Variants in SLC67A1 observed in about 807,000 individuals in gnomAD.
The protein encoded by SLC67A1 is solute carrier family 67 member A1.
the SLC67A1 span, among the ~76,000 whole-genome samples, chr11:2,900,556 T>TA: frequency 6.6e-6 from 1 of 151,506 alleles, no homozygotes; most frequent in African/African-American, 2.4e-5. Context: ...TAGCGGGGGC[T>TA]GTGGCGGGCG....
chr11:2,924,806 AGGGG>A, the SLC67A1 span, among the ~76,000 whole-genome samples: 1,219 of 145,574 alleles, frequency 8.4e-3, 9 homozygotes, highest in Non-Finnish European at 0.013. The surrounding 1 kb of genome is among the most constrained non-coding windows in gnomAD (Gnocchi z 8.6). Flanking sequence ...GGCGGGTGGC[AGGGG>A]GTGGGGGACT....
the SLC67A1 span, among the ~76,000 whole-genome samples, chr11:2,901,330 T>C: frequency 6.6e-6 from 1 of 152,242 alleles, no homozygotes; most frequent in African/African-American, 2.4e-5. Context: ...CCACCAGGAC[T>C]TTGGCCGGCT....
At chr11:2,909,512 CGGGTCA>C in the SLC67A1 span, 2 of 634,880 alleles carry the variant, frequency 3.2e-6, no homozygotes, top group Non-Finnish European at 4.0e-6. Context: ...TGTGGAGGGG[CGGGTCA>C]GGGGGGGAAG....
At chr11:2,924,521 GCAC>G in the SLC67A1 span, among the ~76,000 whole-genome samples, 1 of 152,148 alleles carries the variant, frequency 6.6e-6, no homozygotes, top group Non-Finnish European at 1.5e-5. This position sits in a 1 kb window ranked among gnomAD's most constrained non-coding sequence, Gnocchi z 8.6. Flanking sequence ...GTGGTGGCAG[GCAC>G]CCTGGGAAAG....
chr11:2,913,566 G>T, the SLC67A1 span, among the ~76,000 whole-genome samples: 1 of 152,178 alleles, frequency 6.6e-6, no homozygotes, highest in East Asian at 1.9e-4. Flanking sequence ...CGTTAGGAGT[G>T]GCATGGCAAG....
chr11:2,922,064 C>A, the SLC67A1 span: 2 of 1,495,336 alleles, frequency 1.3e-6, no homozygotes, highest in Non-Finnish European at 1.9e-6. Context: ...TCCCTCGCCT[C>A]CCCCATACCC....
At chr11:2,911,508 C>T in the SLC67A1 span, among the ~76,000 whole-genome samples, 7 of 151,906 alleles carry the variant, frequency 4.6e-5, no homozygotes, top group Admixed American at 2.6e-4. Flanking sequence ...TGAGGAAGGG[C>T]GTGAGGAGGG....
the SLC67A1 span, chr11:2,902,629 G>C: frequency 1.0e-6 from 1 of 985,352 alleles, no homozygotes; most frequent in African/African-American, 1.7e-5. Flanking sequence ...GCAAAATTTG[G>C]GGAAGTCCTC....
chr11:2,908,405 G>A, the SLC67A1 span: 4 of 1,169,494 alleles, frequency 3.4e-6, no homozygotes, highest in East Asian at 5.2e-5. Flanking sequence ...GGCTCAGACG[G>A]GCCAGGTTCC....
chr11:2,923,796 C>T, the SLC67A1 span, among the ~76,000 whole-genome samples: 1 of 152,208 alleles, frequency 6.6e-6, no homozygotes, highest in Non-Finnish European at 1.5e-5. The surrounding 1 kb of genome is among the most constrained non-coding windows in gnomAD (Gnocchi z 6.5). Context: ...CCACGTCATG[C>T]GCAGACACCA....
chr11:2,918,271 A>G, the SLC67A1 span, among the ~76,000 whole-genome samples: 1 of 152,238 alleles, frequency 6.6e-6, no homozygotes, highest in African/African-American at 2.4e-5. Context: ...GCCCCTCTAC[A>G]CTGCACACCT....
the SLC67A1 span, among the ~76,000 whole-genome samples, chr11:2,922,819 C>A: frequency 6.6e-6 from 1 of 152,106 alleles, no homozygotes; most frequent in African/African-American, 2.4e-5. Flanking sequence ...GGGGGCTGCC[C>A]GCAGGTGGCA....
the SLC67A1 span, among the ~76,000 whole-genome samples, chr11:2,905,878 G>A: frequency 7.1e-4 from 108 of 152,206 alleles, no homozygotes; most frequent in South Asian, 0.022. Context: ...GGAGAGAGGA[G>A]CACTGGGAGC....
At chr11:2,917,907 G>A in the SLC67A1 span, 154 of 1,134,526 alleles carry the variant, frequency 1.4e-4, no homozygotes, top group East Asian at 3.1e-4. Flanking sequence ...AGGGCCCTCC[G>A]AATGGCGAGG....
chr11:2,909,619 C>A, the SLC67A1 span: 20 of 1,531,968 alleles, frequency 1.3e-5, no homozygotes, highest in East Asian at 4.5e-4. Flanking sequence ...ACCCGAGGAG[C>A]GGCCCGCGGC....
chr11:2,907,225 G>A, the SLC67A1 span, among the ~76,000 whole-genome samples: 1 of 152,018 alleles, frequency 6.6e-6, no homozygotes. This position sits in a 1 kb window ranked among gnomAD's most constrained non-coding sequence, Gnocchi z 6.7. Context: ...AGGGGGCGGG[G>A]GCGGTGTATT....
At chr11:2,907,318 G>A in the SLC67A1 span, among the ~76,000 whole-genome samples, 4 of 152,190 alleles carry the variant, frequency 2.6e-5, no homozygotes, top group South Asian at 2.1e-4. The surrounding 1 kb of genome is among the most constrained non-coding windows in gnomAD (Gnocchi z 6.7). Flanking sequence ...AGTTTGGGAG[G>A]CCAGAAGTCT....
At chr11:2,904,310 G>A in the SLC67A1 span, among the ~76,000 whole-genome samples, 9 of 152,154 alleles carry the variant, frequency 5.9e-5, no homozygotes, top group Non-Finnish European at 1.3e-4. Flanking sequence ...GCATCTAGGC[G>A]GGAGTGGGGA....
the SLC67A1 span, chr11:2,908,246 A>C: frequency 6.2e-7 from 1 of 1,613,752 alleles, no homozygotes; most frequent in East Asian, 2.2e-5. Flanking sequence ...CTGTCTCGGA[A>C]ACTGGGCCTG....
Sources: gnomAD v4.1 joint callset for allele counts (sites outside exome capture counted in the v4.1 genomes callset) on GRCh38, gnomAD v4.1.1 for gene constraint, Gnocchi (gnomAD v3.1) non-coding constraint, MANE v1.5 for transcripts, NCBI Gene and HGNC (gene_info 2026-07-23, HGNC 2026-07-21) for gene names.